Variants in ELOVL6 observed in about 807,000 individuals in gnomAD.
ELOVL6 encodes very long chain fatty acid elongase 6.
In ELOVL6, 8 loss-of-function variants were observed where a neutral mutation model predicts 31.7. That is an observed-to-expected ratio of 0.25 (90% confidence interval 0.15 to 0.45). The LOEUF is 0.45. ELOVL6 is among the 20% of genes least tolerant of loss of function. ELOVL6 has a pLI of 1.00. For synonymous variants in ELOVL6, 101 were observed against 117.7 expected (o/e 0.86, Z 0.92); for missense variants, 126 against 326.4 (o/e 0.39, Z 4.73).
intron 2 of ELOVL6, among the ~76,000 whole-genome samples, chr4:110,084,035 G>T (rs796197730): frequency 1.5e-3 from 11 of 7,460 alleles, no homozygotes; most frequent in African/African-American, 4.5e-3. Context: ...GCCATATATG[G>T]TATATAACAC....
At chr4:110,095,133 A>G (rs959781584) in intron 2 of ELOVL6, among the ~76,000 whole-genome samples, 6 of 152,248 alleles carry the variant, frequency 3.9e-5, no homozygotes, top group African/African-American at 7.2e-5. Context: ...ACTAAGATTT[A>G]CAGAAAAACA....
chr4:110,187,395 C>G (rs1414730610), intron 1 of ELOVL6, among the ~76,000 whole-genome samples: 2 of 151,342 alleles, frequency 1.3e-5, no homozygotes, highest in African/African-American at 2.4e-5. Flanking sequence ...AAGCATATAA[C>G]CTAACTGCTT....
Position 110,083,939 on chromosome 4 carries a change from T to C in ELOVL6, c.221+21558A>G, listed in dbSNP as rs538030502. Among the ~76,000 whole-genome samples, 275 of 123,622 alleles carry C rather than the reference T, an allele frequency of 2.2e-3. 2 individuals carry two copies. The highest frequency in any genetic ancestry group is 5.7e-3 in the South Asian group (21 of 3,702). 81.1% of individuals were successfully genotyped at this position (123,622 alleles called of 152,430 possible). A position where few individuals can be genotyped will look rare whatever the true frequency, so the allele number is the denominator to read the frequency against. On this transcript the variant is annotated intron_variant, in intron 2 of 3. Transcript: ENST00000302274. Reference sequence around the variant, plus strand: ...GAGAGAGATAATATATATAGAGATATATATAACATGTTATATATGATATAT... The same window carrying C: ...GAGAGAGATAATATATATAGAGATACATATAACATGTTATATATGATATAT...
intron 1 of ELOVL6, among the ~76,000 whole-genome samples, chr4:110,165,119 T>C (rs1024932229): frequency 1.3e-5 from 2 of 152,176 alleles, no homozygotes; most frequent in Non-Finnish European, 1.5e-5. Context: ...TGATCTCTAT[T>C]CTTCAAAAAG....
At chr4:110,165,105 G>T (rs547668275) in intron 1 of ELOVL6, among the ~76,000 whole-genome samples, 1 of 152,162 alleles carries the variant, frequency 6.6e-6, no homozygotes, top group Non-Finnish European at 1.5e-5. Context: ...TTGTAGAGCA[G>T]GTTTGATCTC....
chr4:110,101,763 TCCC>T (rs912542672), intron 2 of ELOVL6, among the ~76,000 whole-genome samples: 1 of 151,902 alleles, frequency 6.6e-6, no homozygotes, highest in Admixed American at 6.6e-5. Flanking sequence ...AGCCTCAGCC[TCCC>T]CTGGCTCAGG....
intron 2 of ELOVL6, among the ~76,000 whole-genome samples, chr4:110,084,551 C>CAGATATATATTTAT (rs1163599448): frequency 1.3e-3 from 81 of 64,684 alleles, no homozygotes; most frequent in East Asian, 2.6e-3. Flanking sequence ...CACACACACA[C>CAGATATATATTTAT]ACACACACAC....
chr4:110,085,964 C>T (rs974519392), intron 2 of ELOVL6, among the ~76,000 whole-genome samples: 4 of 152,154 alleles, frequency 2.6e-5, no homozygotes, highest in South Asian at 2.1e-4. Context: ...CCCAAGAGTG[C>T]TGAGATTACT....
chr4:110,163,858 T>C (rs1758697112), intron 1 of ELOVL6, among the ~76,000 whole-genome samples: 1 of 152,202 alleles, frequency 6.6e-6, no homozygotes, highest in African/African-American at 2.4e-5. Flanking sequence ...TAAGATCGAA[T>C]GGTGAGTTAA....
rs144724366 is a variant in ELOVL6 at position 110,130,955 on chromosome 4, A to G, written c.90-25327T>C. On this transcript the variant is annotated intron_variant, in intron 1 of 3. Coordinates refer to ENST00000302274, the MANE Select transcript of ELOVL6 (RefSeq NM_024090.3). ...ACATGTAAGTTTAACACATATAAAG[A>G]TCATTAGATACTTCACTCTAACTCC... 2.0e-5 allele frequency among the ~76,000 whole-genome samples: 3 copies of G among 152,356 alleles called. No individual in the cohort carries two copies. The East Asian group carries it at 5.8e-4, about 29-fold the overall frequency.
intron 1 of ELOVL6, among the ~76,000 whole-genome samples, chr4:110,144,117 T>G (rs1315445073): frequency 2.1e-5 from 3 of 145,818 alleles, no homozygotes; most frequent in Non-Finnish European, 4.5e-5. Flanking sequence ...GGAATTGACA[T>G]AGTAATTTCA....
chr4:110,069,167 T>C (rs1755394096), intron 2 of ELOVL6, among the ~76,000 whole-genome samples: 1 of 144,344 alleles, frequency 6.9e-6, no homozygotes, highest in East Asian at 2.1e-4. Context: ...ATAATAATAA[T>C]AATAGGGACA....
At chr4:110,063,345 G>A (rs993207082) in intron 2 of ELOVL6, among the ~76,000 whole-genome samples, 1 of 152,142 alleles carries the variant, frequency 6.6e-6, no homozygotes, top group African/African-American at 2.4e-5. Context: ...CCCCAAGGAG[G>A]GACATCTCCT....
At chr4:110,166,998 T>C (rs1347319851) in intron 1 of ELOVL6, among the ~76,000 whole-genome samples, 1 of 152,252 alleles carries the variant, frequency 6.6e-6, no homozygotes, top group Non-Finnish European at 1.5e-5. Context: ...GGTCTGTCTG[T>C]CTGCCAATGC....
At chr4:110,193,885 T>C (rs1296516241) in intron 1 of ELOVL6, among the ~76,000 whole-genome samples, 5 of 152,164 alleles carry the variant, frequency 3.3e-5, no homozygotes, top group Admixed American at 3.3e-4. Flanking sequence ...CATGAAGTTC[T>C]AGGCAAGCCC....
intron 1 of ELOVL6, among the ~76,000 whole-genome samples, chr4:110,188,658 TGGGA>T (rs1759516186): frequency 6.6e-6 from 1 of 151,696 alleles, no homozygotes; most frequent in South Asian, 2.1e-4. Context: ...GAGGCCGAGG[TGGGA>T]GGATCACCTG....
chr4:110,104,982 G>A (rs115547514), intron 2 of ELOVL6, among the ~76,000 whole-genome samples: 200 of 152,278 alleles, frequency 1.3e-3, no homozygotes, highest in African/African-American at 4.5e-3. Flanking sequence ...AAGTCAGTTC[G>A]GGGAATGAGG....
chr4:110,096,407 G>A (rs78702548), intron 2 of ELOVL6, among the ~76,000 whole-genome samples: 1,608 of 152,284 alleles, frequency 0.011, 26 homozygotes, highest in African/African-American at 0.036. Flanking sequence ...ATTTTGATTT[G>A]AGACTGGAAA....
chr4:110,078,079 C>T lies in ELOVL6; in HGVS notation c.222-18325G>A, dbSNP rs868009163. On this transcript the variant is annotated intron_variant, in intron 2 of 3. Coordinates refer to ENST00000302274, the MANE Select transcript of ELOVL6 (RefSeq NM_024090.3). The stretch of plus-strand genomic sequence containing the variant: ...AAATGAACAAAGCCTCCAAGAAATA[C>T]GGGACTATGTGAAAAGACCAAATCT... Among the ~76,000 whole-genome samples the T allele has an allele frequency of 3.1e-3, 428 of 139,506 alleles. 2 individuals are homozygous for T. The highest frequency in any genetic ancestry group is 0.014 in the Middle Eastern group (4 of 276). 91.5% of individuals were successfully genotyped at this position (139,506 alleles called of 152,430 possible).
Sources: gnomAD v4.1 joint callset for allele counts (sites outside exome capture counted in the v4.1 genomes callset) on GRCh38, gnomAD v4.1.1 for gene constraint, MANE v1.5 for transcripts, NCBI Gene and HGNC (gene_info 2026-07-23, HGNC 2026-07-21) for gene names.